The following METTL2A variants were observed in gnomAD, a reference collection of about 807,000 sequenced individuals.
METTL2A encodes tRNA N(3)-cytidine methyltransferase METTL2A.
In METTL2A, 45 loss-of-function variants were observed where a neutral mutation model predicts 49.4. The observed-to-expected ratio is 0.91, with a 90% CI of 0.72 to 1.17. The LOEUF is 1.17. Ranked by LOEUF, METTL2A falls within the 50% of genes most tolerant of loss-of-function variation. The pLI is 0.00. For missense variants in METTL2A, 361 were observed against 462.2 expected, an observed-to-expected ratio of 0.78 and a Z score of 2.01; for synonymous variants, 118 against 167.5, an observed-to-expected ratio of 0.70 and a Z score of 2.28.
chr17:62,441,037 C>G (rs1446877719), intron 6 of METTL2A, among the ~76,000 whole-genome samples: 2 of 152,182 alleles, frequency 1.3e-5, no homozygotes, highest in African/African-American at 2.4e-5. Context: ...AATTCCTGGG[C>G]TCAAGCGATC....
In METTL2A at chr17:62,449,148, C is replaced by T; in HGVS notation, c.*419C>T. ...AATTTTATTCAAAGGAATTGTAAAC[C>T]TTAAACCACCAATTTATTTCCATGT... On this transcript the variant is annotated 3_prime_UTR_variant, in exon 9 of 9. Transcript: ENST00000311506. 1 of 245,028 alleles carries T rather than the reference C, an allele frequency of 4.1e-6. No homozygotes were observed. The highest frequency in any genetic ancestry group is 8.1e-6 in the Non-Finnish European group (1 of 124,036). 15.2% of individuals were successfully genotyped at this position (245,028 alleles called of 1,614,324 possible).
intron 7 of METTL2A, among the ~76,000 whole-genome samples, chr17:62,445,271 T>C (rs1188044273): frequency 6.6e-6 from 1 of 151,144 alleles, no homozygotes; most frequent in Non-Finnish European, 1.5e-5. Context: ...TCTGCACATG[T>C]ACCCCAGAAC....
At chr17:62,439,582 T>C (rs1234410714) in intron 5 of METTL2A, among the ~76,000 whole-genome samples, 2 of 151,848 alleles carry the variant, frequency 1.3e-5, no homozygotes, top group Non-Finnish European at 2.9e-5. Flanking sequence ...TACAGGCACC[T>C]GCCACCACGC....
Position 62,423,914 on chromosome 17 carries a change from C to T in METTL2A, c.12C>T (p.Ser4=). Residue 4 remains serine, a synonymous_variant, in exon 1 of 9, where the codon TCC becomes TCT. Coordinates refer to ENST00000311506, the MANE Select transcript of METTL2A (RefSeq NM_181725.4). ...CCGGCTCCGGTGTCATGGCCGGCTCCTACCCTGAAGGTGCACCTGCAGTCC... is the reference window on the plus strand; with the variant it reads ...CCGGCTCCGGTGTCATGGCCGGCTCTTACCCTGAAGGTGCACCTGCAGTCC... MAG[S]YPEGAPAVLA... is the part of the protein sequence containing the mutation. 6.2e-7 allele frequency: 1 copy of T among 1,613,322 alleles called. No individual in the cohort carries two copies.
chr17:62,443,958 T>G lies in METTL2A; in HGVS notation c.810-879T>G, dbSNP rs150548357. Among the ~76,000 whole-genome samples, 1,164 of 152,314 alleles carry G rather than the reference T, an allele frequency of 7.6e-3. 53 individuals carry two copies. In the East Asian group the frequency reaches 0.11, roughly 15 times the overall value. On this transcript the variant is annotated intron_variant, in intron 6 of 8. Coordinates refer to ENST00000311506, the MANE Select transcript of METTL2A (RefSeq NM_181725.4). The stretch of plus-strand genomic sequence containing the variant: ...TGTAGCATTTAGACTTCTGAAGTTA[T>G]GAAAGCTTCAACCTGCACCAAGACT...
At chr17:62,436,567 A>C (rs2070701753) in intron 5 of METTL2A, among the ~76,000 whole-genome samples, 2 of 152,180 alleles carry the variant, frequency 1.3e-5, no homozygotes, top group Admixed American at 6.5e-5. Context: ...AGAGAGAGAA[A>C]GAAAAAAAAA....
intron 5 of METTL2A, among the ~76,000 whole-genome samples, chr17:62,435,882 A>G (rs1326881572): frequency 2.0e-5 from 3 of 152,188 alleles, no homozygotes; most frequent in Non-Finnish European, 2.9e-5. Context: ...CTGGTCTCGA[A>G]TGATAGCTTA....
Position 62,452,171 on chromosome 17 carries a change from A to G in METTL2A, c.*3442A>G, listed in dbSNP as rs2070809929. ...CTTGCTTTTGCACCTTTGCATTTTA[A>G]GGTAAGAGGCTATTGTGTAAACTCG... On this transcript the variant is annotated 3_prime_UTR_variant, in exon 9 of 9. Transcript: ENST00000311506. 6.6e-6 allele frequency among the ~76,000 whole-genome samples: 1 copy of G among 152,226 alleles called. No homozygotes were observed. The highest frequency in any genetic ancestry group is 1.9e-4 in the East Asian group (1 of 5,200).
At chr17:62,437,353 C>T (rs2070707891) in intron 5 of METTL2A, among the ~76,000 whole-genome samples, 1 of 152,014 alleles carries the variant, frequency 6.6e-6, no homozygotes, top group Admixed American at 6.6e-5. Flanking sequence ...CAAAATACAG[C>T]CCCAAGTTCC....
At chr17:62,448,074 C>A (rs1158721678) in intron 8 of METTL2A, among the ~76,000 whole-genome samples, 1 of 152,164 alleles carries the variant, frequency 6.6e-6, no homozygotes, top group African/African-American at 2.4e-5. Context: ...CCTGTTTCAC[C>A]CTCTACACGG....
At chr17:62,430,851 G>C (rs988499211) in intron 4 of METTL2A, among the ~76,000 whole-genome samples, 1 of 150,970 alleles carries the variant, frequency 6.6e-6, no homozygotes, top group African/African-American at 2.4e-5. Flanking sequence ...GCTAATTTTT[G>C]TATTATTGAT....
intron 4 of METTL2A, among the ~76,000 whole-genome samples, chr17:62,431,387 C>T (rs571683554): frequency 1.2e-4 from 18 of 149,372 alleles, no homozygotes; most frequent in Non-Finnish European, 2.5e-4. Context: ...GACAGGATTT[C>T]TGTCACCCAA....
chr17:62,442,237 C>T (rs1166038274), intron 6 of METTL2A, among the ~76,000 whole-genome samples: 1 of 151,956 alleles, frequency 6.6e-6, no homozygotes, highest in Admixed American at 6.6e-5. Context: ...ACCATTAAAA[C>T]TTCATATGCA....
intron 4 of METTL2A, among the ~76,000 whole-genome samples, chr17:62,429,966 C>T (rs1311154096): frequency 3.9e-5 from 6 of 152,210 alleles, no homozygotes; most frequent in African/African-American, 1.4e-4. Flanking sequence ...CCATGGCTCC[C>T]GGCCCTATAG....
At chr17:62,430,752 A>G (rs2070659223) in intron 4 of METTL2A, among the ~76,000 whole-genome samples, 2 of 151,816 alleles carry the variant, frequency 1.3e-5, no homozygotes, top group Admixed American at 1.3e-4. Flanking sequence ...GATCTCGGCT[A>G]GCCTCAACCT....
intron 6 of METTL2A, among the ~76,000 whole-genome samples, chr17:62,441,848 C>G (rs1473146347): frequency 6.6e-6 from 1 of 151,068 alleles, no homozygotes; most frequent in Non-Finnish European, 1.5e-5. Context: ...TCAACCAATT[C>G]TCCTGCCTCA....
At chr17:62,424,721 G>C (rs11651893) in intron 2 of METTL2A, among the ~76,000 whole-genome samples, 40,456 of 151,686 alleles carry the variant, frequency 0.27, 6,437 homozygotes, top group Admixed American at 0.39. Context: ...TGTTGGGAGG[G>C]GGGCTAGTGA....
intron 4 of METTL2A, among the ~76,000 whole-genome samples, chr17:62,428,196 T>C (rs1376893729): frequency 3.3e-5 from 5 of 152,222 alleles, no homozygotes; most frequent in Non-Finnish European, 7.3e-5. Context: ...AAGGAACAAA[T>C]GTGTTCAACT....
In METTL2A at chr17:62,450,247, CTTTTTTTTTTTTTT is replaced by C. The variant is rs34417908; in HGVS notation, c.*1534_*1547del. 8 of 80,542 alleles carry C rather than the reference CTTTTTTTTTTTTTT, an allele frequency of 9.9e-5. No individual in the cohort carries two copies. The highest frequency in any genetic ancestry group is 4.0e-4 in the South Asian group (1 of 2,484). The allele number at this position is 80,542 out of a possible 1,614,324, so 5.0% of individuals were successfully genotyped here. ...TGTGATCATTATCAGTGTTAGATGC[CTTTTTTTTTTTTTT>C]TTTTTTTTTTTTTTTAAGGAGACAG... On this transcript the variant is annotated 3_prime_UTR_variant, in exon 9 of 9. Coordinates refer to ENST00000311506, the MANE Select transcript of METTL2A (RefSeq NM_181725.4).
Sources: allele counts gnomAD v4.1 joint callset (sites outside exome capture counted in the v4.1 genomes callset), GRCh38; gene constraint gnomAD v4.1.1; transcripts MANE v1.5; gene names NCBI Gene and HGNC (gene_info 2026-07-23, HGNC 2026-07-21).